The following TUBGCP4 variants were observed in gnomAD, a reference collection of about 807,000 sequenced individuals.
The protein encoded by TUBGCP4 is tubulin gamma complex component 4, also known as gamma-tubulin complex component 4.
TUBGCP4 carries 54 observed loss-of-function variants against 91.6 expected under a neutral mutation model. The ratio of observed to expected loss-of-function variants is 0.59; its 90% CI spans 0.47 to 0.74. The LOEUF is 0.74. Among genes scored for constraint, TUBGCP4 ranks in the 30% least tolerant of loss-of-function variants. TUBGCP4 has a pLI of 0.00. For synonymous variants in TUBGCP4, 297 were observed against 302.8 expected (o/e 0.98, Z 0.20); for missense variants, 593 against 800.9 (o/e 0.74, Z 3.13).
At position 43,406,687 on chromosome 15, in the gene TUBGCP4, G is replaced by A; in HGVS notation, c.*1473G>A. On this transcript the variant is annotated 3_prime_UTR_variant, in exon 18 of 18. Coordinates refer to ENST00000564079, the MANE Select transcript of TUBGCP4 (RefSeq NM_014444.5). ...AGAGGAAGGGAAGGAACTGCTTCCA[G>A]CTATTGTGACAATAATAATAATAAT... The A allele has an allele frequency of 2.3e-6, 1 of 442,376 alleles. No homozygotes were observed. The allele number at this position is 442,376 out of a possible 1,614,324, so 27.4% of individuals were successfully genotyped here. A position where few individuals can be genotyped will look rare whatever the true frequency, so the allele number is the denominator to read the frequency against.
At chr15:43,392,075 TACACACACACACACACACAC>T (rs3986231) in intron 9 of TUBGCP4, among the ~76,000 whole-genome samples, 8 of 133,184 alleles carry the variant, frequency 6.0e-5, no homozygotes, top group Admixed American at 1.5e-4. Context: ...AAAATAGAGA[TACACACACACACACACACAC>T]ACACACACAC....
At position 43,385,796 on chromosome 15, in the gene TUBGCP4, G is replaced by A. The variant is rs1234519443; in HGVS notation, c.729G>A (p.Leu243=). 6.2e-7 allele frequency: 1 copy of A among 1,614,100 alleles called. No homozygotes were observed. Residue 243 remains leucine, a synonymous_variant, in exon 8 of 18, where the codon CTG becomes CTA. Coordinates refer to ENST00000564079, the MANE Select transcript of TUBGCP4 (RefSeq NM_014444.5). ...KQLRELQDLR[L]IEEENMLAPS... ...TGTACTCTTTCCTTGACTAGCGCCT[G>A]ATTGAGGAAGAGAACATGCTGGCAC...
chr15:43,400,298 A>G, intron 14 of TUBGCP4, 77 bp downstream of exon 14: 3 of 1,185,066 alleles, frequency 2.5e-6, no homozygotes, highest in Non-Finnish European at 3.5e-6. Context: ...TTGAATAGGG[A>G]CTACAAGTTT....
At chr15:43,404,388 G>C in intron 16 of TUBGCP4, 25 bp from the exon 17 acceptor site, 1 of 1,613,504 alleles carries the variant, frequency 6.2e-7, no homozygotes, top group Non-Finnish European at 8.5e-7. Context: ...GAAGTGGAAT[G>C]ACAGCTGAGT....
At chr15:43,372,180 T>C (rs1370797026) in intron 1 of TUBGCP4, among the ~76,000 whole-genome samples, 1 of 152,210 alleles carries the variant, frequency 6.6e-6, no homozygotes, top group African/African-American at 2.4e-5. Flanking sequence ...ACTTAGGTAT[T>C]GTTTCTACCA....
At chr15:43,390,653 C>T (rs1462256176) in intron 9 of TUBGCP4, among the ~76,000 whole-genome samples, 2 of 151,522 alleles carry the variant, frequency 1.3e-5, no homozygotes, top group African/African-American at 2.4e-5. Context: ...GGATTACAGG[C>T]GTGCACCACA....
At chr15:43,378,024 T>A in intron 5 of TUBGCP4, 121 bp downstream of exon 5, 1 of 725,258 alleles carries the variant, frequency 1.4e-6, no homozygotes, top group South Asian at 2.0e-5. Flanking sequence ...ATTCATTCAT[T>A]TAACAATATC....
intron 1 of TUBGCP4, among the ~76,000 whole-genome samples, chr15:43,375,112 A>AGG (rs1418570350): frequency 6.6e-6 from 1 of 152,242 alleles, no homozygotes; most frequent in African/African-American, 2.4e-5. Flanking sequence ...CATGTTGGCC[A>AGG]GGCTGGTCTT....
chr15:43,380,258 C>T, intron 6 of TUBGCP4, 95 bp downstream of exon 6: 1 of 1,161,662 alleles, frequency 8.6e-7, no homozygotes. Context: ...TTCAGGTTTC[C>T]CTCTTGGGAA....
At chr15:43,386,044 G>A (rs1030695938) in intron 8 of TUBGCP4, 88 bp downstream of exon 8, 16 of 1,546,472 alleles carry the variant, frequency 1.0e-5, no homozygotes, top group Middle Eastern at 1.9e-4. Context: ...TGGTCAGAGC[G>A]AGTGGTCGAT....
intron 16 of TUBGCP4, chr15:43,404,098 C>G: frequency 1.9e-6 from 1 of 517,790 alleles, no homozygotes. Context: ...GAACTAACCC[C>G]CATCTCACTG....
rs892322762 is a variant in TUBGCP4, at chr15:43,406,598, C to T, written c.*1384C>T. On this transcript the variant is annotated 3_prime_UTR_variant, in exon 18 of 18. Coordinates refer to ENST00000564079, the MANE Select transcript of TUBGCP4 (RefSeq NM_014444.5). Reference sequence around the variant, plus strand: ...GAAATATTTACTCTTTGACCCTTTACAGAAAAAAACCTTGTTGACCCCTGC... The same window carrying T: ...GAAATATTTACTCTTTGACCCTTTATAGAAAAAAACCTTGTTGACCCCTGC... The T allele has an allele frequency of 2.0e-5, 9 of 455,830 alleles. No homozygotes were observed. The highest frequency in any genetic ancestry group is 1.2e-4 in the African/African-American group (6 of 50,044). 28.2% of individuals were successfully genotyped at this position (455,830 alleles called of 1,614,324 possible).
At chr15:43,404,027 C>T in intron 16 of TUBGCP4, 1 of 556,340 alleles carries the variant, frequency 1.8e-6, no homozygotes, top group Non-Finnish European at 3.2e-6. Context: ...TTTATTCAGC[C>T]CATCAAATAA....
intron 4 of TUBGCP4, 94 bp from the exon 5 acceptor site, chr15:43,377,753 A>G: frequency 9.6e-7 from 1 of 1,036,412 alleles, no homozygotes. Context: ...TTTTATCTTA[A>G]GTTGAACTAT....
In TUBGCP4 at chr15:43,371,177, C is replaced by G. The variant is rs1298719659; in HGVS notation, c.-178C>G. 3 of 655,434 alleles carry G rather than the reference C, an allele frequency of 4.6e-6. No individual in the cohort carries two copies. The highest frequency in any genetic ancestry group is 8.0e-6 in the Non-Finnish European group (3 of 375,980). The allele number at this position is 655,434 out of a possible 1,614,324, so 40.6% of individuals were successfully genotyped here. A position where few individuals can be genotyped will look rare whatever the true frequency, so the allele number is the denominator to read the frequency against. ...GAACTTCCGGGACTCCCCCGCGACCCCTTCCCAGCTTCCCGTCCGCTCCGC... is the reference window on the plus strand; with the variant it reads ...GAACTTCCGGGACTCCCCCGCGACCGCTTCCCAGCTTCCCGTCCGCTCCGC... On this transcript the variant is annotated 5_prime_UTR_variant, in exon 1 of 18. Transcript: ENST00000564079.
At chr15:43,371,477 G>C (rs1195181363) in intron 1 of TUBGCP4, 45 bp downstream of exon 1, 1 of 1,600,216 alleles carries the variant, frequency 6.2e-7, no homozygotes, top group African/African-American at 1.3e-5. Context: ...CGCAGGAGGG[G>C]GGACCTGAGC....
rs1360278309 is a variant in TUBGCP4, at chr15:43,380,164, G to C, written c.521+1G>C. On this transcript the variant is annotated splice_donor_variant, in intron 6 of 17. Coordinates refer to ENST00000564079, the MANE Select transcript of TUBGCP4 (RefSeq NM_014444.5). LOFTEE classifies it high-confidence loss of function. ...CTCCTGTTCGAAGTGCACTGGAAAA[G>C]TAAGTCATGGCTTAACTGGGAATTG... 2 of 1,613,668 alleles carry C rather than the reference G, an allele frequency of 1.2e-6. No individual in the cohort carries two copies.
In TUBGCP4 at chr15:43,383,360, T is replaced by C; in HGVS notation, c.579T>C (p.His193=). The C allele has an allele frequency of 1.9e-6, 3 of 1,614,192 alleles. No homozygotes were observed. The highest frequency in any genetic ancestry group is 2.5e-6 in the Non-Finnish European group (3 of 1,180,020). ...AACAGCTCTCAGCCTGGATGCTCCA[T>C]GGACTCCTCTTGGACCAGCATGAAG... The part of the protein sequence containing the change: ...MYKQLSAWML[H]GLLLDQHEEF... The change falls in exon 7 of 18, where the codon CAT becomes CAC. Residue 193 remains histidine (H), a synonymous_variant. Transcript: ENST00000564079.
At chr15:43,403,555 C>T (rs546775365) in intron 15 of TUBGCP4, 128 bp from the exon 16 acceptor site, 5 of 705,600 alleles carry the variant, frequency 7.1e-6, no homozygotes, top group African/African-American at 7.1e-5. Flanking sequence ...GTGGCAGTGT[C>T]TATCCTGTCA....
Sources: allele counts gnomAD v4.1 joint callset (sites outside exome capture counted in the v4.1 genomes callset), GRCh38; gene constraint gnomAD v4.1.1; transcripts MANE v1.5; gene names NCBI Gene and HGNC (gene_info 2026-07-23, HGNC 2026-07-21).